Variants in INTS8 observed in about 807,000 individuals in gnomAD.
INTS8 encodes protein kaonashi-1.
In INTS8, 47 loss-of-function variants were observed where a neutral mutation model predicts 138.9. That is an observed-to-expected ratio of 0.34 (90% CI 0.27 to 0.43). The LOEUF is 0.43. Ranked by LOEUF, INTS8 falls within the 20% of genes least tolerant of loss-of-function variation. The pLI is 1.00. For missense variants in INTS8, 996 were observed against 1,173.0 expected, an observed-to-expected ratio of 0.85 and a Z score of 2.20; for synonymous variants, 392 against 400.9, an observed-to-expected ratio of 0.98 and a Z score of 0.27.
chr8:94,832,304 T>C, intron 6 of INTS8, 130 bp downstream of exon 6: 1 of 655,092 alleles, frequency 1.5e-6, no homozygotes. Context: ...CTGCATTGTA[T>C]TTAATTTATA....
rs1816763304 is a variant in INTS8, at chr8:94,880,418, G to C, written c.*184G>C. 1 of 380,258 alleles carries C rather than the reference G, an allele frequency of 2.6e-6. No homozygotes were observed. Among genetic ancestry groups the C allele is most frequent in the South Asian group, 7.6e-5 (1 of 13,072 alleles). 23.6% of individuals were successfully genotyped at this position (380,258 alleles called of 1,614,324 possible). ...AAGACTTCATACCGTAACAATAAAT[G>C]TATAGTTTCTTCAAAGGGAGAAGAG... On this transcript the variant is annotated 3_prime_UTR_variant, in exon 27 of 27. Transcript: ENST00000523731.
intron 15 of INTS8, among the ~76,000 whole-genome samples, chr8:94,858,676 C>T (rs905227738): frequency 3.9e-5 from 6 of 152,082 alleles, no homozygotes; most frequent in African/African-American, 9.7e-5. Context: ...ACTAAGAAAC[C>T]GAGGTGCAGA....
intron 20 of INTS8, among the ~76,000 whole-genome samples, chr8:94,871,330 T>C (rs76309646): frequency 6.9e-6 from 1 of 145,202 alleles, no homozygotes; most frequent in East Asian, 2.0e-4. Flanking sequence ...AAAAAAAAAT[T>C]AGCTGGGTGT....
intron 20 of INTS8, among the ~76,000 whole-genome samples, chr8:94,869,934 C>T (rs911437257): frequency 1.3e-5 from 2 of 152,136 alleles, no homozygotes; most frequent in Non-Finnish European, 2.9e-5. Flanking sequence ...GGGTTTGAGC[C>T]CCAGCCTTTT....
chr8:94,846,276 T>A (rs1473365161), intron 10 of INTS8, among the ~76,000 whole-genome samples: 1 of 152,212 alleles, frequency 6.6e-6, no homozygotes, highest in Non-Finnish European at 1.5e-5. Context: ...TTTTGATTTA[T>A]TTTTACTTTT....
At chr8:94,861,497 G>A (rs1220901858) in intron 16 of INTS8, among the ~76,000 whole-genome samples, 1 of 151,768 alleles carries the variant, frequency 6.6e-6, no homozygotes, top group African/African-American at 2.4e-5. Flanking sequence ...TCCTGACCTC[G>A]TGATCTGCCC....
At chr8:94,872,536 A>T (rs1357847963) in intron 21 of INTS8, among the ~76,000 whole-genome samples, 17 of 152,168 alleles carry the variant, frequency 1.1e-4, no homozygotes, top group Admixed American at 1.1e-3. Context: ...GCCCAGCATG[A>T]ATTTTTTAAA....
At chr8:94,835,503 C>T (rs1328099653) in intron 6 of INTS8, among the ~76,000 whole-genome samples, 3 of 152,142 alleles carry the variant, frequency 2.0e-5, no homozygotes, top group African/African-American at 4.8e-5. Context: ...TTACGGTAGA[C>T]GTGCACCATC....
Position 94,865,514 on chromosome 8 carries a change from G to A in INTS8, c.2085G>A (p.Gln695=). Residue 695 remains glutamine (Q), a synonymous_variant, in exon 17 of 27, where the codon CAG becomes CAA. Transcript: ENST00000523731. The part of the protein sequence containing the change: ...LQSNPYVKLG[Q]LLAATCKELP... ...TGTTTTTCATGTTATAGCTTGGACAGCTTTTAGCAGCTACATGCAAAGAAC... is the reference window on the plus strand; with the variant it reads ...TGTTTTTCATGTTATAGCTTGGACAACTTTTAGCAGCTACATGCAAAGAAC... 6.2e-7 allele frequency: 1 copy of A among 1,613,362 alleles called. No individual in the cohort carries two copies. Among genetic ancestry groups the A allele is most frequent in the Non-Finnish European group, 8.5e-7 (1 of 1,179,526 alleles).
Position 94,876,164 on chromosome 8 carries a change from A to T in INTS8, c.2762+17A>T, listed in dbSNP as rs200251131. The T allele has an allele frequency of 1.2e-4, 188 of 1,604,822 alleles. 2 individuals carry two copies. In the African/African-American group the frequency reaches 1.7e-3, roughly 15 times the overall value. ...ACAAAACAGGTATGAATAATATTTT[A>T]AAAATAATGAGGTCAACATTTTTCT... On this transcript the variant is annotated intron_variant, in intron 24 of 26. Transcript: ENST00000523731.
chr8:94,858,003 C>T (rs1358317688), intron 15 of INTS8, among the ~76,000 whole-genome samples: 1 of 152,180 alleles, frequency 6.6e-6, no homozygotes, highest in Non-Finnish European at 1.5e-5. Context: ...TGCCAGTGGG[C>T]TAGAAATTCA....
At chr8:94,829,384 A>G (rs1363003952) in intron 5 of INTS8, among the ~76,000 whole-genome samples, 1 of 151,954 alleles carries the variant, frequency 6.6e-6, no homozygotes, top group East Asian at 1.9e-4. Context: ...GGAGGACACA[A>G]CATGGATCCC....
intron 20 of INTS8, among the ~76,000 whole-genome samples, chr8:94,870,005 A>G (rs1189368579): frequency 6.6e-6 from 1 of 152,128 alleles, no homozygotes; most frequent in Non-Finnish European, 1.5e-5. Context: ...CATCTCTAAA[A>G]TAGTACCTGC....
At chr8:94,855,976 T>TA (rs777475882) in intron 14 of INTS8, among the ~76,000 whole-genome samples, 9 of 152,272 alleles carry the variant, frequency 5.9e-5, no homozygotes, top group Admixed American at 1.3e-4. Flanking sequence ...GGACTGGAGT[T>TA]ACAGATTTGG....
rs372594000 is a variant in INTS8 at position 94,865,689 on chromosome 8, C to T, written c.2260C>T (p.Arg754Trp). The T allele has an allele frequency of 5.0e-6, 8 of 1,612,302 alleles. No homozygotes were observed. The highest frequency in any genetic ancestry group is 4.5e-5 in the East Asian group (2 of 44,884). Reference sequence around the variant, plus strand: ...GGAATCTACGTTAGGTATCATGTATCGGTATGTATTGGTACGTTTCTATTA... The same window carrying T: ...GGAATCTACGTTAGGTATCATGTATTGGTATGTATTGGTACGTTTCTATTA... ...QRESTLGIMYRSELLSFIKKL... is the reference protein window; with the variant it reads ...QRESTLGIMYWSELLSFIKKL... Residue 754 changes from arginine (R) to tryptophan (W), a missense_variant and splice_region_variant, in exon 17 of 27, where the codon CGG (arginine) becomes TGG (tryptophan). Transcript: ENST00000523731.
At chr8:94,842,592 G>C (rs11786389) in intron 10 of INTS8, 104 bp downstream of exon 10, 156,231 of 895,998 alleles carry the variant, frequency 0.17, 14,587 homozygotes, top group African/African-American at 0.22. Context: ...TCTGCCTTGC[G>C]TTTCTGTGCC....
rs542120019 is a variant in INTS8 at position 94,850,700 on chromosome 8, G to A, written c.1507+609G>A. ...ATGTTCATGGAGGTAAAAACAGAAAGCAGGAGAGGAGTGGTGAGAAATGCT... is the reference window on the plus strand; with the variant it reads ...ATGTTCATGGAGGTAAAAACAGAAAACAGGAGAGGAGTGGTGAGAAATGCT... On this transcript the variant is annotated intron_variant, in intron 12 of 26. Transcript: ENST00000523731. Among the ~76,000 whole-genome samples, 4 of 151,810 alleles carry A rather than the reference G, an allele frequency of 2.6e-5. No homozygotes were observed. The South Asian group carries it at 8.3e-4, about 32-fold the overall frequency.
intron 26 of INTS8, among the ~76,000 whole-genome samples, chr8:94,878,397 G>A (rs1004263307): frequency 2.0e-5 from 3 of 152,202 alleles, no homozygotes; most frequent in Non-Finnish European, 4.4e-5. Context: ...CCTCATGGAT[G>A]TTAAGAGTCT....
intron 20 of INTS8, among the ~76,000 whole-genome samples, chr8:94,869,934 C>G (rs911437257): frequency 3.9e-5 from 6 of 152,136 alleles, no homozygotes; most frequent in Admixed American, 2.0e-4. Context: ...GGGTTTGAGC[C>G]CCAGCCTTTT....
Sources: allele counts gnomAD v4.1 joint callset (sites outside exome capture counted in the v4.1 genomes callset), GRCh38; gene constraint gnomAD v4.1.1; transcripts MANE v1.5; gene names NCBI Gene and HGNC (gene_info 2026-07-23, HGNC 2026-07-21).